Variants in FAT3 observed in about 807,000 individuals in gnomAD.
FAT3 encodes protocadherin Fat 3.
FAT3 carries 95 observed loss-of-function variants against 310.2 expected under a neutral mutation model. The ratio of observed to expected loss-of-function variants is 0.31; its 90% CI spans 0.26 to 0.36. FAT3 has a LOEUF of 0.36. Ranked by LOEUF, FAT3 falls within the 10% of genes least tolerant of loss-of-function variation. The pLI is 1.00. For synonymous variants in FAT3, 2,314 were observed against 2,192.9 expected (o/e 1.06, Z -1.54); for missense variants, 5,408 against 5,715.6 (o/e 0.95, Z 1.74).
chr11:92,497,676 G>A (rs974124219), intron 2 of FAT3, among the ~76,000 whole-genome samples: 1 of 152,016 alleles, frequency 6.6e-6, no homozygotes, highest in Admixed American at 6.6e-5. Flanking sequence ...AAATTAGTCA[G>A]AAGCTATCTA....
intron 2 of FAT3, among the ~76,000 whole-genome samples, chr11:92,402,546 A>G (rs547438950): frequency 7.2e-5 from 11 of 152,004 alleles, no homozygotes; most frequent in Non-Finnish European, 1.3e-4. Flanking sequence ...CCTAGGAAAC[A>G]TGGTGAAACC....
At chr11:92,279,017 A>C (rs77472158) in intron 1 of FAT3, among the ~76,000 whole-genome samples, 2,207 of 152,182 alleles carry the variant, frequency 0.015, 58 homozygotes, top group African/African-American at 0.05. Context: ...GAAAACAGTA[A>C]CTCTTAAATA....
chr11:92,513,173 G>C (rs12292129), intron 2 of FAT3, among the ~76,000 whole-genome samples: 5,784 of 149,090 alleles, frequency 0.039, 392 homozygotes, highest in African/African-American at 0.14. Context: ...ACTAATCTCT[G>C]TTCATGCCAT....
chr11:92,796,454 G>C (rs978395906), intron 9 of FAT3, among the ~76,000 whole-genome samples: 6 of 152,110 alleles, frequency 3.9e-5, no homozygotes, highest in African/African-American at 1.4e-4. Flanking sequence ...TTTGTGTTCA[G>C]ACATGGAAAA....
chr11:92,891,736 A>C lies in FAT3; in HGVS notation c.*623A>C, dbSNP rs2136453502. Reference sequence around the variant, plus strand: ...CAGTTATTTCTGTTTGTTTGTGTTAAGCATCCAATCTAATATAGTTGGGTT... The same window carrying C: ...CAGTTATTTCTGTTTGTTTGTGTTACGCATCCAATCTAATATAGTTGGGTT... On this transcript the variant is annotated 3_prime_UTR_variant, in exon 28 of 28. Transcript: ENST00000525166. The C allele has an allele frequency of 6.4e-6, 1 of 156,458 alleles. No individual in the cohort carries two copies. The highest frequency in any genetic ancestry group is 6.1e-5 in the Admixed American group (1 of 16,454). 9.7% of individuals were successfully genotyped at this position (156,458 alleles called of 1,614,324 possible).
At chr11:92,431,845 T>G (rs1950788795) in intron 2 of FAT3, among the ~76,000 whole-genome samples, 2 of 152,214 alleles carry the variant, frequency 1.3e-5, no homozygotes, top group African/African-American at 4.8e-5. Flanking sequence ...TCTATTCTAT[T>G]CCATTGGTCT....
intron 1 of FAT3, among the ~76,000 whole-genome samples, chr11:92,316,585 A>C (rs74852902): frequency 0.033 from 5,082 of 152,282 alleles, 247 homozygotes; most frequent in African/African-American, 0.1. Context: ...TATACAGCCA[A>C]ATTGTCTATC....
At chr11:92,566,741 A>C (rs1187666556) in intron 3 of FAT3, among the ~76,000 whole-genome samples, 2 of 152,096 alleles carry the variant, frequency 1.3e-5, no homozygotes, top group Admixed American at 6.6e-5. Context: ...CCGTATATGT[A>C]CAACTATCTG....
At chr11:92,323,561 AC>A (rs1375615596) in intron 1 of FAT3, among the ~76,000 whole-genome samples, 1 of 150,692 alleles carries the variant, frequency 6.6e-6, no homozygotes, top group African/African-American at 2.4e-5. Context: ...CACAGTTAAT[AC>A]TTTTAAGGGA....
Position 92,805,223 on chromosome 11 carries a change from T to C in FAT3, c.8967T>C (p.Pro2989=). The C allele has an allele frequency of 6.2e-7, 1 of 1,613,918 alleles. No individual in the cohort carries two copies. The highest frequency in any genetic ancestry group is 8.5e-7 in the Non-Finnish European group (1 of 1,179,828). Reference sequence around the variant, plus strand: ...AGTGGAAGGTCTATGTGAAGAGGCCTCTAGACAGAGAAGAACAGGACATTT... The same window carrying C: ...AGTGGAAGGTCTATGTGAAGAGGCCCCTAGACAGAGAAGAACAGGACATTT... The part of the protein sequence containing the change: ...QSEWKVYVKR[P]LDREEQDIYF... The change falls in exon 11 of 28, where the codon CCT becomes CCC. Residue 2989 remains proline (P), a synonymous_variant. Transcript: ENST00000525166.
At chr11:92,889,037 T>C (rs535975712) in intron 25 of FAT3, among the ~76,000 whole-genome samples, 152 bp from the exon 26 acceptor site, 5 of 152,284 alleles carry the variant, frequency 3.3e-5, no homozygotes, top group African/African-American at 1.2e-4. Flanking sequence ...ACTGATACAC[T>C]TCCTAACAGA....
At chr11:92,690,794 A>G (rs1943777303) in intron 3 of FAT3, among the ~76,000 whole-genome samples, 2 of 152,186 alleles carry the variant, frequency 1.3e-5, no homozygotes, top group African/African-American at 2.4e-5. Context: ...ACTGCAGGGA[A>G]TATTTTAATG....
At chr11:92,558,938 A>G (rs1053283240) in intron 3 of FAT3, among the ~76,000 whole-genome samples, 7 of 152,168 alleles carry the variant, frequency 4.6e-5, no homozygotes, top group African/African-American at 1.7e-4. Context: ...GGCTTCTGGC[A>G]GTGATTTAAA....
At chr11:92,626,986 T>G (rs1219398088) in intron 3 of FAT3, among the ~76,000 whole-genome samples, 1 of 152,212 alleles carries the variant, frequency 6.6e-6, no homozygotes, top group Admixed American at 6.5e-5. Flanking sequence ...ATTCTATTAA[T>G]GGAGCTGTAA....
intron 1 of FAT3, among the ~76,000 whole-genome samples, chr11:92,335,170 C>T (rs1948030968): frequency 6.7e-6 from 1 of 150,224 alleles, no homozygotes; most frequent in African/African-American, 2.5e-5. Flanking sequence ...TTAGATCTAT[C>T]TTCTGTTGGT....
intron 22 of FAT3, among the ~76,000 whole-genome samples, chr11:92,874,997 A>G (rs1949495690): frequency 6.6e-6 from 1 of 152,136 alleles, no homozygotes; most frequent in African/African-American, 2.4e-5. Context: ...TAGTATCATT[A>G]TGGCTACTAA....
At chr11:92,288,571 G>A (rs540700471) in intron 1 of FAT3, among the ~76,000 whole-genome samples, 60 of 152,092 alleles carry the variant, frequency 3.9e-4, no homozygotes, top group Admixed American at 2.0e-3. Flanking sequence ...CCTGGAATAC[G>A]GCAGTGTGTA....
intron 12 of FAT3, among the ~76,000 whole-genome samples, 181 bp from the exon 13 acceptor site, chr11:92,809,662 T>C (rs1038389332): frequency 1.3e-5 from 2 of 152,228 alleles, no homozygotes; most frequent in African/African-American, 4.8e-5. Context: ...TAGAATCCCA[T>C]ACATTTTTCC....
intron 2 of FAT3, among the ~76,000 whole-genome samples, chr11:92,471,373 A>G (rs972870835): frequency 1.4e-4 from 22 of 152,332 alleles, no homozygotes; most frequent in African/African-American, 5.1e-4. Flanking sequence ...TAAAGCAAAT[A>G]GCTTAACAGA....
Sources: allele counts gnomAD v4.1 joint callset (sites outside exome capture counted in the v4.1 genomes callset), GRCh38; gene constraint gnomAD v4.1.1; transcripts MANE v1.5; gene names NCBI Gene and HGNC (gene_info 2026-07-23, HGNC 2026-07-21).